Variants in ZPBP observed in about 807,000 individuals in gnomAD.
ZPBP encodes the protein zona pellucida-binding protein 1.
Under a neutral mutation model 44.8 loss-of-function variants are expected in ZPBP, and 26 were observed. The ratio of observed to expected loss-of-function variants is 0.58; its 90% CI spans 0.43 to 0.81. The LOEUF (loss-of-function observed/expected upper bound fraction) is 0.81. Ranked by LOEUF, ZPBP falls within the 30% of genes least tolerant of loss-of-function variation. ZPBP has a pLI of 0.00. For synonymous variants in ZPBP, 174 were observed against 153.2 expected, an observed-to-expected ratio of 1.14 and a Z score of -1.00; for missense variants, 409 against 434.0, an observed-to-expected ratio of 0.94 and a Z score of 0.51.
chr7:49,872,426 G>A (rs565903424), intron 2 of ZPBP, among the ~76,000 whole-genome samples: 1 of 152,140 alleles, frequency 6.6e-6, no homozygotes, highest in African/African-American at 2.4e-5. Flanking sequence ...CTACCTCATA[G>A]TATATGCAAA....
At chr7:49,955,527 A>G (rs1367083926) in intron 7 of ZPBP, among the ~76,000 whole-genome samples, 1 of 152,194 alleles carries the variant, frequency 6.6e-6, no homozygotes, top group Non-Finnish European at 1.5e-5. Context: ...ACTGCACTCC[A>G]GCCTGGGCAA....
intron 6 of ZPBP, among the ~76,000 whole-genome samples, chr7:49,990,129 T>C (rs190205969): frequency 1.3e-5 from 2 of 152,254 alleles, no homozygotes; most frequent in Admixed American, 6.5e-5. Flanking sequence ...CAGACAATAA[T>C]GGAAGTTAAA....
At chr7:49,869,134 T>C (rs1436250903) in intron 2 of ZPBP, among the ~76,000 whole-genome samples, 1 of 152,206 alleles carries the variant, frequency 6.6e-6, no homozygotes, top group Admixed American at 6.5e-5. Flanking sequence ...GGAACACTAG[T>C]TATGTGCTTA....
At chr7:49,980,626 G>T (rs955437475) in intron 7 of ZPBP, among the ~76,000 whole-genome samples, 1 of 151,846 alleles carries the variant, frequency 6.6e-6, no homozygotes, top group Non-Finnish European at 1.5e-5. Context: ...AGCCAGAGAG[G>T]GGGGCAGGTG....
At chr7:50,014,309 C>A (rs1019967454) in intron 6 of ZPBP, among the ~76,000 whole-genome samples, 1 of 151,846 alleles carries the variant, frequency 6.6e-6, no homozygotes, top group Non-Finnish European at 1.5e-5. Flanking sequence ...CCAGAACAAC[C>A]TTGACAAAAA....
intron 5 of ZPBP, among the ~76,000 whole-genome samples, chr7:50,027,942 A>T (rs539838860): frequency 6.6e-6 from 1 of 152,138 alleles, no homozygotes; most frequent in East Asian, 1.9e-4. Context: ...ACAAAGAAAA[A>T]ACCAGAACCC....
intron 3 of ZPBP, among the ~76,000 whole-genome samples, chr7:50,081,547 T>G (rs1802352789): frequency 1.3e-5 from 2 of 151,822 alleles, no homozygotes; most frequent in Admixed American, 6.6e-5. Flanking sequence ...TTATAGATGC[T>G]TTGAGAACCC....
At chr7:49,872,830 C>T (rs690843) in intron 2 of ZPBP, among the ~76,000 whole-genome samples, 3,257 of 136,582 alleles carry the variant, frequency 0.024, 138 homozygotes, top group African/African-American at 0.083. Context: ...ACAGGAGAAT[C>T]GCTTGAAACC....
intron 7 of ZPBP, among the ~76,000 whole-genome samples, chr7:49,969,818 T>TAGAG (rs34673727): frequency 1.2e-4 from 15 of 123,500 alleles, no homozygotes; most frequent in African/African-American, 2.0e-4. Flanking sequence ...TATATATATA[T>TAGAG]AGAGAGAGAG....
chr7:50,073,237 T>G (rs1193236343), intron 3 of ZPBP, among the ~76,000 whole-genome samples: 1 of 151,974 alleles, frequency 6.6e-6, no homozygotes, highest in Non-Finnish European at 1.5e-5. Context: ...GCAGAAATCC[T>G]GGAGCTGAAA....
chr7:49,856,677 T>C (rs1247894010), intron 2 of ZPBP, among the ~76,000 whole-genome samples: 1 of 152,160 alleles, frequency 6.6e-6, no homozygotes, highest in African/African-American at 2.4e-5. Flanking sequence ...AATTAATATA[T>C]CCATCACCTC....
intron 5 of ZPBP, 136 bp downstream of exon 5, chr7:50,030,956 A>G: frequency 2.6e-6 from 2 of 760,690 alleles, no homozygotes; most frequent in South Asian, 1.8e-5. Context: ...GCACTAAGTC[A>G]AAGTAGAGAA....
intron 6 of ZPBP, among the ~76,000 whole-genome samples, chr7:49,984,983 C>T (rs1270209189): frequency 6.6e-6 from 1 of 152,062 alleles, no homozygotes; most frequent in African/African-American, 2.4e-5. Context: ...GAGTTTTCTC[C>T]AGGTACTCTG....
chr7:49,841,274 T>C, the ZPBP span, among the ~76,000 whole-genome samples: 1 of 151,764 alleles, frequency 6.6e-6, no homozygotes. Context: ...TGAGAGCTAG[T>C]ATTTGCTGAA....
intron 4 of ZPBP, among the ~76,000 whole-genome samples, chr7:50,054,548 G>A (rs1054304384): frequency 2.0e-5 from 3 of 151,886 alleles, no homozygotes; most frequent in East Asian, 1.9e-4. Context: ...ATTCAAAACC[G>A]ATAACAATTC....
intron 1 of ZPBP, among the ~76,000 whole-genome samples, chr7:49,923,287 C>A (rs1169277853): frequency 6.6e-6 from 1 of 152,094 alleles, no homozygotes; most frequent in African/African-American, 2.4e-5. Flanking sequence ...AAATGAGAAT[C>A]ATAAAGGCAG....
At chr7:49,988,421 T>C (rs1044306673) in intron 6 of ZPBP, among the ~76,000 whole-genome samples, 2 of 152,164 alleles carry the variant, frequency 1.3e-5, no homozygotes, top group African/African-American at 4.8e-5. Context: ...TTTAGGTACA[T>C]GGGATTGCCA....
chr7:49,949,764 C>T (rs1042049309), intron 7 of ZPBP, among the ~76,000 whole-genome samples: 2 of 151,782 alleles, frequency 1.3e-5, no homozygotes, highest in Non-Finnish European at 2.9e-5. Context: ...TTAAATTATA[C>T]ATTTAAATAC....
chr7:49,915,961 G>A (rs1270885202), intron 1 of ZPBP: 1 of 152,116 alleles, frequency 6.6e-6, no homozygotes, highest in East Asian at 1.9e-4. Context: ...GGTTGATACA[G>A]TCAGTAACTA....
Sources: gnomAD v4.1 joint callset for allele counts (sites outside exome capture counted in the v4.1 genomes callset) on GRCh38, gnomAD v4.1.1 for gene constraint, MANE v1.5 for transcripts, NCBI Gene and HGNC (gene_info 2026-07-23, HGNC 2026-07-21) for gene names.